The following CPB1 variants were observed in gnomAD, a reference collection of about 807,000 sequenced individuals.
CPB1 encodes carboxypeptidase B.
Under a neutral mutation model 51.4 loss-of-function variants are expected in CPB1, and 53 were observed. The ratio of observed to expected loss-of-function variants is 1.03; its 90% confidence interval spans 0.83 to 1.30. CPB1 has a LOEUF of 1.30. Ranked by LOEUF, CPB1 falls within the 50% of genes most tolerant of loss-of-function variation. The pLI, the probability that CPB1 is intolerant of heterozygous loss-of-function variation, is 0.00. For missense variants in CPB1, 494 were observed against 516.2 expected (o/e 0.96, Z 0.42); for synonymous variants, 189 against 186.9 (o/e 1.01, Z -0.09).
rs143862369 is a variant in CPB1 at position 148,835,040 on chromosome 3, G to C, written c.272+418G>C. The stretch of plus-strand genomic sequence containing the variant: ...CTATTTGTGCTTTTTTTAGCAGAAG[G>C]ATAAGTCTAGAGTCAGTCTGAATGG... On this transcript the variant is annotated intron_variant, in intron 3 of 10. Transcript: ENST00000282957. Among the ~76,000 whole-genome samples the C allele has an allele frequency of 3.2e-4, 48 of 152,284 alleles. No individual in the cohort carries two copies. In the East Asian group the frequency reaches 9.1e-3, roughly 29 times the overall value.
intron 6 of CPB1, among the ~76,000 whole-genome samples, chr3:148,843,964 A>T (rs1299969133): frequency 6.6e-6 from 1 of 152,182 alleles, no homozygotes; most frequent in Non-Finnish European, 1.5e-5. Context: ...AGGCATTCTC[A>T]TTACCTTGTT....
intron 3 of CPB1, among the ~76,000 whole-genome samples, chr3:148,836,413 A>G (rs1712902885): frequency 6.6e-6 from 1 of 152,238 alleles, no homozygotes; most frequent in Non-Finnish European, 1.5e-5. Context: ...AGTAGCATTC[A>G]AAAAGATGAG....
Position 148,840,678 on chromosome 3 carries a change from C to A in CPB1, c.273-8C>A. 1 of 1,613,674 alleles carries A rather than the reference C, an allele frequency of 6.2e-7. No individual in the cohort carries two copies. Among genetic ancestry groups the A allele is most frequent in the Non-Finnish European group, 8.5e-7 (1 of 1,179,618 alleles). The stretch of plus-strand genomic sequence containing the variant: ...GTTCATAGGAACACCCACTTTGGTT[C>A]GTTGCAGGGTACTGATAAGCAACCT... On this transcript the variant is annotated splice_polypyrimidine_tract_variant and splice_region_variant and intron_variant, in intron 3 of 10. Coordinates refer to ENST00000282957, the MANE Select transcript of CPB1 (RefSeq NM_001871.3).
chr3:148,828,681 G>A (rs528426145), intron 2 of CPB1, among the ~76,000 whole-genome samples: 5 of 152,098 alleles, frequency 3.3e-5, no homozygotes, highest in Non-Finnish European at 4.4e-5. Context: ...TTTAAACTGC[G>A]TATACAATGT....
chr3:148,848,653 T>C (rs1176031533), intron 9 of CPB1, among the ~76,000 whole-genome samples: 2 of 152,170 alleles, frequency 1.3e-5, no homozygotes, highest in African/African-American at 4.8e-5. Flanking sequence ...ATCTGAGTCA[T>C]GATAAAAATG....
chr3:148,833,758 T>C (rs1240456568), intron 2 of CPB1, among the ~76,000 whole-genome samples: 1 of 151,658 alleles, frequency 6.6e-6, no homozygotes, highest in Non-Finnish European at 1.5e-5. Context: ...AAAAAACAGC[T>C]ATTTGGGGCT....
intron 9 of CPB1, among the ~76,000 whole-genome samples, chr3:148,846,797 GTATATATATATA>G (rs368201293): frequency 0.022 from 1,087 of 50,546 alleles, 85 homozygotes; most frequent in Non-Finnish European, 0.028. Context: ...GTGTGCGTGT[GTATATATATATA>G]TATATATATA....
At position 148,860,141 on chromosome 3, in the gene CPB1, T is replaced by A; in HGVS notation, c.*139T>A. Reference sequence around the variant, plus strand: ...TTCTGGGTCTATTAAACTAGGTAGATCTTTTCGTATTGATCATAATAAAAG... The same window carrying A: ...TTCTGGGTCTATTAAACTAGGTAGAACTTTTCGTATTGATCATAATAAAAG... On this transcript the variant is annotated 3_prime_UTR_variant, in exon 11 of 11. Coordinates refer to ENST00000282957, the MANE Select transcript of CPB1 (RefSeq NM_001871.3). 1 of 731,378 alleles carries A rather than the reference T, an allele frequency of 1.4e-6. No homozygotes were observed. Among genetic ancestry groups the A allele is most frequent in the East Asian group, 2.6e-5 (1 of 37,916 alleles). 45.3% of individuals were successfully genotyped at this position (731,378 alleles called of 1,614,324 possible). A position where few individuals can be genotyped will look rare whatever the true frequency, so the allele number is the denominator to read the frequency against.
At chr3:148,828,185 A>G (rs1257082204) in intron 2 of CPB1, 108 bp downstream of exon 2, 1 of 913,846 alleles carries the variant, frequency 1.1e-6, no homozygotes, top group Non-Finnish European at 1.7e-6. Flanking sequence ...GCATTTTGGT[A>G]GCAAGAAATA....
At chr3:148,846,797 G>GTGTGTGTGTGTATATATATA (rs1364486523) in intron 9 of CPB1, among the ~76,000 whole-genome samples, 1 of 50,540 alleles carries the variant, frequency 2.0e-5, no homozygotes, top group Admixed American at 2.8e-4. Context: ...GTGTGCGTGT[G>GTGTGTGTGTGTATATATATA]TATATATATA....
rs1460485475 is a variant in CPB1 at position 148,827,904 on chromosome 3, C to T, written c.71+10C>T. 6.2e-7 allele frequency: 1 copy of T among 1,613,976 alleles called. No homozygotes were observed. ...GTGAGCACTTTGAAGGGTAAGTAAG[C>T]CATCTTTAAGGAGCAAGTCCTTCTT... On this transcript the variant is annotated intron_variant, in intron 1 of 10. Coordinates refer to ENST00000282957, the MANE Select transcript of CPB1 (RefSeq NM_001871.3).
At chr3:148,829,577 T>A (rs1712671407) in intron 2 of CPB1, among the ~76,000 whole-genome samples, 1 of 152,242 alleles carries the variant, frequency 6.6e-6, no homozygotes, top group Non-Finnish European at 1.5e-5. Context: ...ACTTTTAAGA[T>A]TTATCTTGAC....
Position 148,857,460 on chromosome 3 carries a change from G to A in CPB1, c.985G>A (p.Ala329Thr). 3.1e-6 allele frequency: 5 copies of A among 1,613,304 alleles called. No homozygotes were observed. Among genetic ancestry groups the A allele is most frequent in the Non-Finnish European group, 4.2e-6 (5 of 1,179,394 alleles). ...KLGENNAELN[A>T]LAKATVKELA... ...CTTATTCCTGTTTCTTTTGCAGAATGCCCTGGCTAAAGCTACTGTGAAAGA... is the reference window on the plus strand; with the variant it reads ...CTTATTCCTGTTTCTTTTGCAGAATACCCTGGCTAAAGCTACTGTGAAAGA... Residue 329 changes from alanine to threonine, a missense_variant, in exon 10 of 11, where the codon GCC becomes ACC. Transcript: ENST00000282957.
intron 3 of CPB1, among the ~76,000 whole-genome samples, chr3:148,838,594 AGTTTTCCTCCAC>A (rs1210890232): frequency 6.6e-6 from 1 of 151,782 alleles, no homozygotes; most frequent in South Asian, 2.1e-4. Flanking sequence ...ACTATTTTTT[AGTTTTCCTCCAC>A]GTTTTCCTGA....
At chr3:148,844,449 T>C (rs1036524509) in intron 6 of CPB1, 29 bp from the exon 7 acceptor site, 12 of 1,544,648 alleles carry the variant, frequency 7.8e-6, no homozygotes, top group Non-Finnish European at 1.1e-5. Flanking sequence ...CATTTTTCCA[T>C]GAAATTCCTC....
chr3:148,845,726 T>C, intron 9 of CPB1, 100 bp downstream of exon 9: 1 of 916,626 alleles, frequency 1.1e-6, no homozygotes, highest in South Asian at 1.9e-5. Context: ...TGGAAGTCCC[T>C]TTATTGATTT....
intron 9 of CPB1, among the ~76,000 whole-genome samples, chr3:148,846,797 G>GTGTGTGTGTGTGTATGTA: frequency 2.0e-5 from 1 of 50,562 alleles, no homozygotes; most frequent in Non-Finnish European, 4.3e-5. Context: ...GTGTGCGTGT[G>GTGTGTGTGTGTGTATGTA]TATATATATA....
chr3:148,841,782 A>G (rs1036909041), intron 5 of CPB1, 41 bp from the exon 6 acceptor site: 12 of 1,552,360 alleles, frequency 7.7e-6, no homozygotes, highest in African/African-American at 1.4e-5. Context: ...TGAATGTCCT[A>G]TGATGAATCA....
intron 9 of CPB1, among the ~76,000 whole-genome samples, chr3:148,853,524 A>G (rs1482368722): frequency 4.6e-5 from 7 of 152,198 alleles, no homozygotes; most frequent in Admixed American, 2.0e-4. Context: ...TTGCTCTAGG[A>G]CCAAGGCCTC....
Sources: allele counts gnomAD v4.1 joint callset (sites outside exome capture counted in the v4.1 genomes callset), GRCh38; gene constraint gnomAD v4.1.1; transcripts MANE v1.5; gene names NCBI Gene and HGNC (gene_info 2026-07-23, HGNC 2026-07-21).